GTF2I: variants seen among roughly 807,000 people sequenced by gnomAD.
GTF2I encodes the protein general transcription factor II-I.
In GTF2I, 12 loss-of-function variants were observed where a neutral mutation model predicts 67.6. That is an observed-to-expected ratio of 0.18 (90% CI 0.11 to 0.29). The LOEUF (loss-of-function observed/expected upper bound fraction) is 0.29. GTF2I is among the 10% of genes least tolerant of loss of function. The pLI, the probability that GTF2I is intolerant of heterozygous loss-of-function variation, is 1.00. For missense variants in GTF2I, 271 were observed against 580.1 expected, an observed-to-expected ratio of 0.47 and a Z score of 5.47; for synonymous variants, 149 against 197.0, an observed-to-expected ratio of 0.76 and a Z score of 2.04.
intron 11 of GTF2I, among the ~76,000 whole-genome samples, chr7:74,717,700 A>C (rs934727812): frequency 6.6e-6 from 1 of 152,158 alleles, no homozygotes; most frequent in African/African-American, 2.4e-5. Context: ...CTGTTGTGTA[A>C]CTGCTTATAT....
chr7:74,719,878 C>G (rs2131445542), intron 12 of GTF2I, among the ~76,000 whole-genome samples: 1 of 152,170 alleles, frequency 6.6e-6, no homozygotes, highest in Non-Finnish European at 1.5e-5. Flanking sequence ...TGAGTTCACG[C>G]CATTGCACTA....
intron 1 of GTF2I, among the ~76,000 whole-genome samples, chr7:74,682,708 A>G (rs1554394425): frequency 6.6e-6 from 1 of 152,236 alleles, no homozygotes; most frequent in African/African-American, 2.4e-5. Flanking sequence ...GCATAAGGGT[A>G]AGAACCACTG....
At chr7:74,667,527 G>C (rs1028359163) in intron 1 of GTF2I, among the ~76,000 whole-genome samples, 4 of 151,810 alleles carry the variant, frequency 2.6e-5, no homozygotes, top group African/African-American at 9.7e-5. Flanking sequence ...CTTTTTTTGT[G>C]GGGGGAGGGA....
chr7:74,685,128 C>T (rs2131270715), intron 1 of GTF2I, among the ~76,000 whole-genome samples: 1 of 152,322 alleles, frequency 6.6e-6, no homozygotes, highest in Non-Finnish European at 1.5e-5. Context: ...CTTGAAGTTA[C>T]AAAGGTTACA....
intron 6 of GTF2I, among the ~76,000 whole-genome samples, chr7:74,701,011 G>A (rs1403475731): frequency 6.6e-6 from 1 of 152,218 alleles, no homozygotes; most frequent in Non-Finnish European, 1.5e-5. Context: ...GAGTCTCACG[G>A]AAGAGAGAAA....
At chr7:74,725,504 T>C (rs1446164700) in intron 12 of GTF2I, among the ~76,000 whole-genome samples, 2 of 148,312 alleles carry the variant, frequency 1.3e-5, no homozygotes, top group African/African-American at 5.0e-5. Context: ...CTGGGCAACA[T>C]AGGGGGACCC....
At chr7:74,681,163 A>C (rs1787236998) in intron 1 of GTF2I, among the ~76,000 whole-genome samples, 1 of 152,180 alleles carries the variant, frequency 6.6e-6, no homozygotes, top group Non-Finnish European at 1.5e-5. Flanking sequence ...GGCTGGGCGC[A>C]GTGGCTTATG....
In GTF2I at chr7:74,704,296, T is replaced by A. The variant is rs10235155; in HGVS notation, c.587-868T>A. Reference sequence around the variant, plus strand: ...TATTTATTTATTTATTTATTTATTTTTTTATTTATTTTGAGATGGAGTCTT... The same window carrying A: ...TATTTATTTATTTATTTATTTATTTATTTATTTATTTTGAGATGGAGTCTT... On this transcript the variant is annotated intron_variant, in intron 6 of 34. Transcript: ENST00000573035. Among the ~76,000 whole-genome samples, 130 of 16,938 alleles carry A rather than the reference T, an allele frequency of 7.7e-3. 1 individual carries two copies. The highest frequency in any genetic ancestry group is 0.042 in the Middle Eastern group (1 of 24). The allele number at this position is 16,938 out of a possible 152,430, so 11.1% of individuals were successfully genotyped here. A position where few individuals can be genotyped will look rare whatever the true frequency, so the allele number is the denominator to read the frequency against.
At chr7:74,708,922 C>T (rs1430546314) in intron 8 of GTF2I, among the ~76,000 whole-genome samples, 1 of 152,198 alleles carries the variant, frequency 6.6e-6, no homozygotes, top group Non-Finnish European at 1.5e-5. Context: ...TTTACTCTCT[C>T]CTCAAAATGG....
intron 8 of GTF2I, among the ~76,000 whole-genome samples, chr7:74,707,750 T>A (rs587665222): frequency 6.6e-6 from 1 of 152,312 alleles, no homozygotes; most frequent in East Asian, 1.9e-4. Context: ...TTCCCCTTAA[T>A]TCATATATTC....
At chr7:74,680,093 A>ATATATAT (rs1187116816) in intron 1 of GTF2I, among the ~76,000 whole-genome samples, 1 of 99,446 alleles carries the variant, frequency 1.0e-5, no homozygotes, top group African/African-American at 4.8e-5. Context: ...AAAAAAAAAA[A>ATATATAT]AAAAAAATAT....
At chr7:74,712,824 A>T (rs782589787) in intron 9 of GTF2I, among the ~76,000 whole-genome samples, 3 of 152,032 alleles carry the variant, frequency 2.0e-5, no homozygotes, top group Middle Eastern at 3.4e-3. Flanking sequence ...TAATCATGTC[A>T]TCATGGTAGT....
intron 1 of GTF2I, chr7:74,687,464 C>G: frequency 6.2e-6 from 3 of 486,006 alleles, no homozygotes; most frequent in Non-Finnish European, 8.0e-6. Context: ...CTCAAGAGAT[C>G]CACCCGCCTC....
chr7:74,680,095 A>AT (rs1330438660), intron 1 of GTF2I, among the ~76,000 whole-genome samples: 1,692 of 96,974 alleles, frequency 0.017, 16 homozygotes, highest in Non-Finnish European at 0.026. Context: ...AAAAAAAAAA[A>AT]AAAAATATAT....
intron 6 of GTF2I, among the ~76,000 whole-genome samples, chr7:74,701,169 G>A (rs1789684453): frequency 6.6e-6 from 1 of 152,184 alleles, no homozygotes; most frequent in African/African-American, 2.4e-5. Context: ...AAGGGCGTTT[G>A]AAGAATGATG....
In GTF2I at chr7:74,691,081, A is replaced by C; in HGVS notation, c.208A>C (p.Lys70Gln). ...AGGACGTGCTTTTGTCAATACCAGA[A>C]AGGATTTTCAAAAAGATTTTGTAAA... ...ERGRAFVNTRKDFQKDFVKYC... is the reference protein window; with the variant it reads ...ERGRAFVNTRQDFQKDFVKYC... The change falls in exon 3 of 35, where the codon AAG becomes CAG. Residue 70 changes from lysine to glutamine, a missense_variant. Coordinates refer to ENST00000573035, the MANE Select transcript of GTF2I (RefSeq NM_032999.4). The C allele has an allele frequency of 6.2e-7, 1 of 1,609,464 alleles. No homozygotes were observed.
chr7:74,724,488 G>A (rs1458968978), intron 12 of GTF2I, among the ~76,000 whole-genome samples: 1 of 152,180 alleles, frequency 6.6e-6, no homozygotes, highest in Non-Finnish European at 1.5e-5. Context: ...TCGTTAATAT[G>A]TTGCAAAAAG....
At chr7:74,680,210 A>G (rs1287930326) in intron 1 of GTF2I, among the ~76,000 whole-genome samples, 1 of 147,424 alleles carries the variant, frequency 6.8e-6, no homozygotes, top group Non-Finnish European at 1.5e-5. Context: ...TTGTGTATAT[A>G]TATTATAACA....
intron 10 of GTF2I, among the ~76,000 whole-genome samples, chr7:74,716,018 A>T (rs587699733): frequency 6.6e-6 from 1 of 152,256 alleles, no homozygotes; most frequent in South Asian, 2.1e-4. Flanking sequence ...AGAGATGAAC[A>T]TCTGCTTCCT....
Sources: allele counts gnomAD v4.1 joint callset (sites outside exome capture counted in the v4.1 genomes callset), GRCh38; gene constraint gnomAD v4.1.1; transcripts MANE v1.5; gene names NCBI Gene and HGNC (gene_info 2026-07-23, HGNC 2026-07-21).